AKAP12: variants seen among roughly 807,000 people sequenced by gnomAD.
The protein encoded by AKAP12 is A-kinase anchoring protein 12, also known as A-kinase anchor protein 12.
AKAP12 carries 32 observed loss-of-function variants against 79.9 expected under a neutral mutation model. That is an observed-to-expected ratio of 0.40 (90% CI 0.30 to 0.54). The LOEUF is 0.54. Among genes scored for constraint, AKAP12 ranks in the 20% least tolerant of loss-of-function variants. The pLI is 0.48. For missense variants in AKAP12, 2,074 were observed against 2,177.0 expected (o/e 0.95, Z 0.94); for synonymous variants, 808 against 857.0 (o/e 0.94, Z 1.00).
At chr6:151,252,735 A>G (rs1216986319) in intron 2 of AKAP12, among the ~76,000 whole-genome samples, 3 of 149,056 alleles carry the variant, frequency 2.0e-5, no homozygotes, top group South Asian at 2.1e-4. Flanking sequence ...TCTCTGGGAA[A>G]AAAAAAAAAA....
chr6:151,322,425 T>C (rs569274158), intron 3 of AKAP12, among the ~76,000 whole-genome samples: 51 of 152,308 alleles, frequency 3.3e-4, no homozygotes, highest in Admixed American at 1.5e-3. Context: ...CCTTTATAAA[T>C]ATTTTTAGTT....
chr6:151,336,677 G>C (rs776410357), intron 3 of AKAP12, among the ~76,000 whole-genome samples: 37 of 152,298 alleles, frequency 2.4e-4, no homozygotes, highest in Non-Finnish European at 4.4e-4. Context: ...AGGAGGTGGA[G>C]GTTGCAGTGG....
intron 2 of AKAP12, chr6:151,280,705 A>G (rs959249911): frequency 5.3e-5 from 4 of 76,150 alleles, no homozygotes; most frequent in African/African-American, 1.7e-4. Context: ...GGAGGGACAC[A>G]ATCACACCTC....
chr6:151,308,492 C>T (rs145668329), intron 3 of AKAP12, among the ~76,000 whole-genome samples: 2 of 152,250 alleles, frequency 1.3e-5, no homozygotes, highest in Non-Finnish European at 2.9e-5. Context: ...GAATTACAGA[C>T]GTGAGCCACC....
intron 3 of AKAP12, among the ~76,000 whole-genome samples, chr6:151,309,948 C>T (rs1748015101): frequency 6.7e-6 from 1 of 148,160 alleles, no homozygotes; most frequent in African/African-American, 2.5e-5. Flanking sequence ...TGGTTTGGGG[C>T]AAATCTGCTT....
intron 2 of AKAP12, among the ~76,000 whole-genome samples, chr6:151,285,432 C>A (rs985410469): frequency 7.5e-6 from 1 of 133,840 alleles, no homozygotes; most frequent in African/African-American, 2.8e-5. Context: ...CTATTTCAAT[C>A]TACTGATTAC....
chr6:151,297,716 G>A (rs1776767995), intron 2 of AKAP12, among the ~76,000 whole-genome samples: 1 of 152,120 alleles, frequency 6.6e-6, no homozygotes, highest in Admixed American at 6.5e-5. Context: ...CTGGGATGTA[G>A]TGAGATGTGT....
intron 2 of AKAP12, chr6:151,280,365 A>C (rs1562719393): frequency 6.6e-6 from 1 of 151,958 alleles, no homozygotes; most frequent in Non-Finnish European, 1.5e-5. Context: ...TATAGGACTA[A>C]TTCCTGGATG....
At chr6:151,246,983 A>G (rs1797087282) in intron 2 of AKAP12, among the ~76,000 whole-genome samples, 1 of 152,102 alleles carries the variant, frequency 6.6e-6, no homozygotes. Context: ...GGTAGAGACA[A>G]GGTCTCACTG....
Position 151,305,840 on chromosome 6 carries a change from G to A in AKAP12, c.256G>A (p.Gly86Arg), listed in dbSNP as rs761622594. The A allele has an allele frequency of 1.9e-6, 3 of 1,613,908 alleles. No homozygotes were observed. Among genetic ancestry groups the A allele is most frequent in the East Asian group, 4.5e-5 (2 of 44,880 alleles). The change falls in exon 3 of 5, where the codon GGA becomes AGA. Residue 86 changes from glycine to arginine, a missense_variant. Gly to Arg is a moderately radical substitution (Grantham distance 125, BLOSUM62 -2). This residue lies in a region of AKAP12 where 1,428 missense variants were observed against 1,451.0 expected (regional missense o/e 0.98). Coordinates refer to ENST00000402676, the MANE Select transcript of AKAP12 (RefSeq NM_005100.4). Reference protein sequence around the residue: ...LQEGDLNGQKGALNGQGALNS... With the variant: ...LQEGDLNGQKRALNGQGALNS... ...GGAGGGTGACCTAAATGGCCAGAAA[G>A]GAGCCCTGAACGGTCAAGGAGCCCT...
intron 2 of AKAP12, among the ~76,000 whole-genome samples, chr6:151,266,993 G>A (rs982192074): frequency 6.8e-5 from 9 of 132,984 alleles, no homozygotes; most frequent in African/African-American, 2.2e-4. Context: ...CCAGCCTGGC[G>A]GACAGAGCGA....
chr6:151,339,095 C>T (rs889404821), intron 3 of AKAP12, among the ~76,000 whole-genome samples: 2 of 152,190 alleles, frequency 1.3e-5, no homozygotes, highest in African/African-American at 4.8e-5. Flanking sequence ...TAAACTCTGC[C>T]TTTCACACTG....
At chr6:151,341,137 C>T (rs533530982) in intron 3 of AKAP12, among the ~76,000 whole-genome samples, 256 of 151,752 alleles carry the variant, frequency 1.7e-3, no homozygotes, top group Non-Finnish European at 3.2e-3. Context: ...CTGCAACCTC[C>T]GCCTCCCTGG....
chr6:151,275,829 G>A (rs1407499585), intron 2 of AKAP12, among the ~76,000 whole-genome samples: 1 of 152,180 alleles, frequency 6.6e-6, no homozygotes, highest in Non-Finnish European at 1.5e-5. Flanking sequence ...GTGTGGGATT[G>A]CAGAAAGGCT....
At chr6:151,294,379 G>T (rs1453264611) in intron 2 of AKAP12, among the ~76,000 whole-genome samples, 2 of 152,260 alleles carry the variant, frequency 1.3e-5, no homozygotes, top group Middle Eastern at 3.4e-3. Context: ...GGGGGTCGGG[G>T]TTGGGGGCAC....
chr6:151,319,325 G>A (rs529312762), intron 3 of AKAP12, among the ~76,000 whole-genome samples: 58 of 151,708 alleles, frequency 3.8e-4, no homozygotes, highest in Non-Finnish European at 7.9e-4. Context: ...ATGCAGCAGA[G>A]AGCCTGCCCA....
At chr6:151,322,172 T>G (rs1315395386) in intron 3 of AKAP12, among the ~76,000 whole-genome samples, 1 of 152,072 alleles carries the variant, frequency 6.6e-6, no homozygotes, top group Non-Finnish European at 1.5e-5. Flanking sequence ...CCTCCCAAAG[T>G]GCTGGGATCA....
At position 151,240,584 on chromosome 6, in the gene AKAP12, G is replaced by C; in HGVS notation, c.22G>C (p.Glu8Gln). 6.9e-7 allele frequency: 1 copy of C among 1,447,146 alleles called. No homozygotes were observed. Among genetic ancestry groups the C allele is most frequent in the Non-Finnish European group, 9.0e-7 (1 of 1,106,950 alleles). The allele number at this position is 1,447,146 out of a possible 1,614,324, so 89.6% of individuals were successfully genotyped here. Residue 8 changes from glutamate to glutamine, a missense_variant, in exon 2 of 5, where the codon GAG (glutamate) becomes CAG (glutamine). Coordinates refer to ENST00000402676, the MANE Select transcript of AKAP12 (RefSeq NM_005100.4). MGAGSST[E>Q]QRSPEQPPEG... is the part of the protein sequence containing the mutation. ...AGCCATGGGCGCCGGGAGCTCCACCGAGCAGCGCAGCCCGGAGCAGCCGCC... is the reference window on the plus strand; with the variant it reads ...AGCCATGGGCGCCGGGAGCTCCACCCAGCAGCGCAGCCCGGAGCAGCCGCC...
chr6:151,277,230 G>C (rs1776305614), intron 2 of AKAP12, among the ~76,000 whole-genome samples: 1 of 152,190 alleles, frequency 6.6e-6, no homozygotes, highest in Non-Finnish European at 1.5e-5. Flanking sequence ...AATTAATGAG[G>C]TTGCAAGATA....
Sources: allele counts gnomAD v4.1 joint callset (sites outside exome capture counted in the v4.1 genomes callset), GRCh38; gene constraint gnomAD v4.1.1; regional missense constraint gnomAD v4.1.1; transcripts MANE v1.5; gene names NCBI Gene and HGNC (gene_info 2026-07-23, HGNC 2026-07-21).